The following IQCJ variants were observed in gnomAD, a reference collection of about 807,000 sequenced individuals.
The protein encoded by IQCJ is IQ motif containing J, also known as IQ domain-containing protein J.
A neutral mutation model predicts 11.0 loss-of-function variants in IQCJ; 9 were observed. The ratio of observed to expected loss-of-function variants is 0.82; its 90% CI spans 0.49 to 1.43. The LOEUF (loss-of-function observed/expected upper bound fraction) is 1.43, where lower values mean the gene tolerates loss of function less well. Among genes scored for constraint, IQCJ ranks in the 40% most tolerant of loss-of-function variants. The pLI is 0.00. For missense variants in IQCJ, 146 were observed against 133.2 expected (o/e 1.10, Z -0.47); for synonymous variants, 55 against 51.3 (o/e 1.07, Z -0.31).
intron 1 of IQCJ, among the ~76,000 whole-genome samples, chr3:159,181,898 A>T (rs1016100179): frequency 6.7e-6 from 1 of 150,188 alleles, no homozygotes; most frequent in African/African-American, 2.5e-5. Flanking sequence ...CACTAGAGTG[A>T]ACAATTTAAT....
At chr3:159,069,555 G>T in intron 1 of IQCJ, 114 bp downstream of exon 1, 2 of 1,434,124 alleles carry the variant, frequency 1.4e-6, no homozygotes, top group Admixed American at 2.4e-5. Flanking sequence ...ATGTCAAAAA[G>T]AGCTTATAGA....
At chr3:159,088,820 C>T (rs944526684) in intron 1 of IQCJ, among the ~76,000 whole-genome samples, 38 of 152,154 alleles carry the variant, frequency 2.5e-4, no homozygotes, top group Middle Eastern at 6.8e-3. Flanking sequence ...TGTCTCTGCA[C>T]GTGAGATGGG....
intron 3 of IQCJ, 136 bp from the exon 4 acceptor site, chr3:159,262,412 A>C: frequency 1.5e-6 from 2 of 1,358,642 alleles, no homozygotes; most frequent in African/African-American, 2.9e-5. Flanking sequence ...GATTCACTAC[A>C]TCACATTCTG....
intron 1 of IQCJ, among the ~76,000 whole-genome samples, chr3:159,074,873 A>T (rs575384849): frequency 6.6e-6 from 1 of 152,218 alleles, no homozygotes; most frequent in South Asian, 2.1e-4. Flanking sequence ...GGCTGACAAG[A>T]CTGGCCTATC....
At chr3:159,109,920 C>T (rs999158294) in intron 1 of IQCJ, among the ~76,000 whole-genome samples, 39 of 152,132 alleles carry the variant, frequency 2.6e-4, no homozygotes, top group African/African-American at 1.9e-4. Flanking sequence ...TATACACTAA[C>T]GTGTGGTTTG....
At chr3:159,171,862 AG>A (rs1048942316) in intron 1 of IQCJ, among the ~76,000 whole-genome samples, 1 of 152,204 alleles carries the variant, frequency 6.6e-6, no homozygotes, top group Non-Finnish European at 1.5e-5. Context: ...GATTGACCAG[AG>A]ACCTTGCACT....
chr3:159,094,734 G>T (rs1717608308), intron 1 of IQCJ, among the ~76,000 whole-genome samples: 1 of 151,774 alleles, frequency 6.6e-6, no homozygotes, highest in Non-Finnish European at 1.5e-5. Context: ...TCTCTATCAG[G>T]TCTTAACTTC....
At chr3:159,119,767 A>T (rs1036640292) in intron 1 of IQCJ, among the ~76,000 whole-genome samples, 3 of 152,270 alleles carry the variant, frequency 2.0e-5, no homozygotes, top group African/African-American at 4.8e-5. Flanking sequence ...TTCAATACTG[A>T]GCCTCTCCTT....
intron 1 of IQCJ, among the ~76,000 whole-genome samples, chr3:159,104,079 C>G (rs1371964044): frequency 6.6e-6 from 1 of 152,170 alleles, no homozygotes; most frequent in Non-Finnish European, 1.5e-5. Context: ...ATGAGCAAAG[C>G]AGATATGGGC....
At chr3:159,211,035 G>A (rs1229255085) in intron 1 of IQCJ, among the ~76,000 whole-genome samples, 1 of 152,230 alleles carries the variant, frequency 6.6e-6, no homozygotes, top group African/African-American at 2.4e-5. Context: ...TTAGGTAAGT[G>A]CAAGTTTAAC....
intron 1 of IQCJ, among the ~76,000 whole-genome samples, chr3:159,142,413 G>T (rs1457033928): frequency 9.9e-6 from 1 of 101,284 alleles, no homozygotes; most frequent in Admixed American, 1.0e-4. Flanking sequence ...GCACTGAGGG[G>T]CAGGTCTTTT....
At chr3:159,189,451 ATTG>A (rs1235795707) in intron 1 of IQCJ, among the ~76,000 whole-genome samples, 2 of 152,180 alleles carry the variant, frequency 1.3e-5, no homozygotes, top group East Asian at 3.9e-4. Flanking sequence ...CAAGACCAGT[ATTG>A]TTCTAGCAAA....
chr3:159,222,232 T>C (rs1725593485), intron 1 of IQCJ, among the ~76,000 whole-genome samples: 1 of 152,174 alleles, frequency 6.6e-6, no homozygotes. Context: ...GTAGCCAAGA[T>C]ACAGAAACAA....
At chr3:159,228,660 G>A (rs948993131) in intron 1 of IQCJ, among the ~76,000 whole-genome samples, 6 of 151,880 alleles carry the variant, frequency 4.0e-5, no homozygotes, top group African/African-American at 1.4e-4. Flanking sequence ...GCGTAGTGGC[G>A]GGCGCCTGTA....
chr3:159,073,901 T>C (rs924659445), intron 1 of IQCJ, among the ~76,000 whole-genome samples: 6 of 152,136 alleles, frequency 3.9e-5, no homozygotes, highest in Non-Finnish European at 7.4e-5. Context: ...TTTTTAAATA[T>C]AGAATAGGTC....
chr3:159,088,012 G>T (rs912795967), intron 1 of IQCJ, among the ~76,000 whole-genome samples: 53 of 151,792 alleles, frequency 3.5e-4, no homozygotes, highest in African/African-American at 1.2e-3. Context: ...TGTGATGTTA[G>T]GGTGTCAATT....
At chr3:159,239,068 G>A (rs1333893170) in intron 1 of IQCJ, among the ~76,000 whole-genome samples, 5 of 151,990 alleles carry the variant, frequency 3.3e-5, no homozygotes, top group Non-Finnish European at 5.9e-5. Context: ...GCTTTTAATA[G>A]TAAAATAAAA....
chr3:159,172,919 C>T (rs1043634419), intron 1 of IQCJ, among the ~76,000 whole-genome samples: 7 of 152,216 alleles, frequency 4.6e-5, no homozygotes, highest in Admixed American at 4.6e-4. Context: ...TACTGTTTCA[C>T]CAGAAGTTTT....
chr3:159,175,771 C>G (rs1179041916), intron 1 of IQCJ, among the ~76,000 whole-genome samples: 1 of 152,138 alleles, frequency 6.6e-6, no homozygotes, highest in Non-Finnish European at 1.5e-5. Context: ...CAGTTTGGGG[C>G]TACTATGAAT....
Sources: gnomAD v4.1 joint callset for allele counts (sites outside exome capture counted in the v4.1 genomes callset) on GRCh38, gnomAD v4.1.1 for gene constraint, MANE v1.5 for transcripts, NCBI Gene and HGNC (gene_info 2026-07-23, HGNC 2026-07-21) for gene names.